Variants in TRERF1 observed in about 807,000 individuals in gnomAD.
TRERF1 encodes the protein transcriptional regulating factor 1.
TRERF1 carries 27 observed loss-of-function variants against 122.9 expected under a neutral mutation model. That is an observed-to-expected ratio of 0.22 (90% CI 0.16 to 0.30). TRERF1 has a LOEUF of 0.30. Among genes scored for constraint, TRERF1 ranks in the 10% least tolerant of loss-of-function variants. TRERF1 has a pLI of 1.00. For synonymous variants in TRERF1, 636 were observed against 641.7 expected (o/e 0.99, Z 0.13); for missense variants, 1,248 against 1,560.3 (o/e 0.80, Z 3.37).
chr6:42,334,615 G>T (rs1046156690), intron 3 of TRERF1, among the ~76,000 whole-genome samples: 2 of 152,182 alleles, frequency 1.3e-5, no homozygotes, highest in African/African-American at 4.8e-5. Flanking sequence ...TTCTGAGCAG[G>T]GAACAGGGTG....
intron 5 of TRERF1, 46 bp from the exon 6 acceptor site, chr6:42,265,843 A>C: frequency 6.3e-7 from 1 of 1,599,068 alleles, no homozygotes; most frequent in Non-Finnish European, 8.5e-7. Flanking sequence ...AGAGAAAAAA[A>C]CGTGTTCTGA....
intron 2 of TRERF1, among the ~76,000 whole-genome samples, chr6:42,403,557 C>T (rs1295955566): frequency 6.6e-6 from 1 of 152,160 alleles, no homozygotes; most frequent in Admixed American, 6.5e-5. Flanking sequence ...ACGGAACCAA[C>T]CTTGCCAATA....
At chr6:42,411,377 T>C (rs1781072306) in intron 2 of TRERF1, among the ~76,000 whole-genome samples, 1 of 151,992 alleles carries the variant, frequency 6.6e-6, no homozygotes, top group Non-Finnish European at 1.5e-5. Flanking sequence ...CAAACCCATG[T>C]CTCCCCACCA....
intron 3 of TRERF1, among the ~76,000 whole-genome samples, chr6:42,313,004 T>G (rs1044306897): frequency 6.6e-6 from 1 of 152,188 alleles, no homozygotes; most frequent in African/African-American, 2.4e-5. Context: ...GGCAGTGCCC[T>G]CTGCTCATTT....
chr6:42,441,943 A>G (rs1322350866), intron 2 of TRERF1, among the ~76,000 whole-genome samples: 1 of 152,112 alleles, frequency 6.6e-6, no homozygotes, highest in African/African-American at 2.4e-5. Context: ...GCCATCAAGA[A>G]AGACTTAAGG....
intron 2 of TRERF1, among the ~76,000 whole-genome samples, chr6:42,409,459 A>C (rs941254351): frequency 6.6e-6 from 1 of 152,068 alleles, no homozygotes; most frequent in African/African-American, 2.4e-5. Context: ...CATGTCCACC[A>C]ATTTTTCCTG....
Position 42,243,815 on chromosome 6 carries a change from C to T in TRERF1, c.2746-454G>A, listed in dbSNP as rs1344680239. ...CAGGATGGTCTTGATCTCCTGACCT[C>T]GTGATCCGCCCACCTCGGCCTCCCA... On this transcript the variant is annotated intron_variant, in intron 14 of 17. Transcript: ENST00000372922. Among the ~76,000 whole-genome samples, 4 of 151,148 alleles carry T rather than the reference C, an allele frequency of 2.6e-5. No homozygotes were observed. The East Asian group carries it at 7.8e-4, about 29-fold the overall frequency.
At chr6:42,442,965 A>C (rs996148724) in intron 2 of TRERF1, among the ~76,000 whole-genome samples, 10 of 152,218 alleles carry the variant, frequency 6.6e-5, no homozygotes, top group Non-Finnish European at 4.4e-5. Flanking sequence ...CAGCTATAAA[A>C]TGAGGATATC....
In TRERF1 at chr6:42,276,603, T is replaced by C. The variant is rs769485628; in HGVS notation, c.-258-6755A>G. On this transcript the variant is annotated intron_variant, in intron 4 of 17. Coordinates refer to ENST00000372922, the Ensembl canonical transcript of TRERF1. This position sits in a 1 kb window ranked among gnomAD's most constrained non-coding sequence, Gnocchi z 4.3. ...CGTCTTCTTTTTAGCACCGTTGTTG[T>C]TCTAAATGCTTTCTGATTAGTCTTC... Among the ~76,000 whole-genome samples the C allele has an allele frequency of 1.3e-5, 2 of 152,236 alleles. No individual in the cohort carries two copies. Among genetic ancestry groups the C allele is most frequent in the Non-Finnish European group, 2.9e-5 (2 of 68,040 alleles).
chr6:42,365,215 A>C (rs1772506023), intron 2 of TRERF1, among the ~76,000 whole-genome samples: 1 of 151,610 alleles, frequency 6.6e-6, no homozygotes, highest in East Asian at 1.9e-4. Flanking sequence ...TAGGTGGCTT[A>C]CTCTCTCACC....
intron 6 of TRERF1, among the ~76,000 whole-genome samples, chr6:42,265,172 C>G (rs1049922714): frequency 6.6e-6 from 1 of 152,216 alleles, no homozygotes; most frequent in East Asian, 1.9e-4. Flanking sequence ...CAGGGTCAGC[C>G]TGAGCCCAGC....
chr6:42,325,211 T>C (rs1764087350), intron 3 of TRERF1, among the ~76,000 whole-genome samples: 1 of 152,162 alleles, frequency 6.6e-6, no homozygotes, highest in Non-Finnish European at 1.5e-5. Context: ...TGAGATACCA[T>C]CCGACACCAG....
intron 3 of TRERF1, among the ~76,000 whole-genome samples, chr6:42,343,247 C>T (rs78960759): frequency 0.011 from 1,643 of 152,280 alleles, 25 homozygotes; most frequent in African/African-American, 0.037. Context: ...ACAAACAACT[C>T]GCTCTAAAGG....
At chr6:42,357,875 T>C (rs998010066) in intron 3 of TRERF1, among the ~76,000 whole-genome samples, 3 of 152,200 alleles carry the variant, frequency 2.0e-5, no homozygotes, top group African/African-American at 7.2e-5. Context: ...GTTGGGTGTA[T>C]GTTTGGGGAT....
rs1785680879 is a variant in TRERF1 at position 42,299,194 on chromosome 6, G to GC, written c.-259+1443_-259+1444insG. Among the ~76,000 whole-genome samples, 10 of 128,316 alleles carry GC rather than the reference G, an allele frequency of 7.8e-5. No individual in the cohort carries two copies. In the South Asian group the frequency reaches 2.1e-3, roughly 27 times the overall value. 84.2% of individuals were successfully genotyped at this position (128,316 alleles called of 152,430 possible). ...CCCTGAAAAAACACACATAGAGTCTGTTTTTTTCTATCTATCTATCTATCT... is the reference window on the plus strand; with the variant it reads ...CCCTGAAAAAACACACATAGAGTCTGCTTTTTTTCTATCTATCTATCTATCT... On this transcript the variant is annotated intron_variant, in intron 4 of 17. Transcript: ENST00000372922.
intron 12 of TRERF1, among the ~76,000 whole-genome samples, chr6:42,256,128 C>A (rs1396881012): frequency 3.6e-5 from 3 of 83,582 alleles, no homozygotes; most frequent in South Asian, 3.5e-4. Flanking sequence ...GAGACTCCAT[C>A]TTAAAAAAAA....
chr6:42,316,068 G>A (rs928090676), intron 3 of TRERF1, among the ~76,000 whole-genome samples: 13 of 152,172 alleles, frequency 8.5e-5, no homozygotes, highest in African/African-American at 3.1e-4. Flanking sequence ...GCACCTGGAC[G>A]TCAGGCTGCC....
intron 1 of TRERF1, among the ~76,000 whole-genome samples, 22 bp downstream of exon 1, chr6:42,451,652 C>T (rs1788555892): frequency 6.6e-6 from 1 of 150,610 alleles, no homozygotes; most frequent in South Asian, 2.1e-4. Context: ...TCCCCATGCG[C>T]CCTCCCCGGC....
chr6:42,338,044 T>C (rs779129791), intron 3 of TRERF1, among the ~76,000 whole-genome samples: 2 of 152,142 alleles, frequency 1.3e-5, no homozygotes, highest in Non-Finnish European at 2.9e-5. Context: ...CCCCAGGTGA[T>C]TGTGGGCACG....
Sources: gnomAD v4.1 joint callset for allele counts (sites outside exome capture counted in the v4.1 genomes callset) on GRCh38, gnomAD v4.1.1 for gene constraint, Gnocchi (gnomAD v3.1) non-coding constraint, MANE v1.5 for transcripts, NCBI Gene and HGNC (gene_info 2026-07-23, HGNC 2026-07-21) for gene names.